Variants in PRKCA observed in about 807,000 individuals in gnomAD.
The protein encoded by PRKCA is protein kinase C alpha.
PRKCA carries 27 observed loss-of-function variants against 87.0 expected under a neutral mutation model. The observed-to-expected ratio is 0.31, with a 90% CI of 0.23 to 0.43. PRKCA has a LOEUF of 0.43. PRKCA is among the 20% of genes least tolerant of loss of function. PRKCA has a pLI of 1.00. For missense variants in PRKCA, 518 were observed against 852.3 expected (o/e 0.61, Z 4.88); for synonymous variants, 329 against 311.1 (o/e 1.06, Z -0.61).
At chr17:66,305,576 A>G (rs940419783) in intron 1 of PRKCA, among the ~76,000 whole-genome samples, 9 of 152,228 alleles carry the variant, frequency 5.9e-5, no homozygotes, top group Non-Finnish European at 8.8e-5. Context: ...TATATTTTCT[A>G]AGATCTGGTT....
At chr17:66,379,688 G>A (rs546716018) in intron 2 of PRKCA, among the ~76,000 whole-genome samples, 325 of 152,266 alleles carry the variant, frequency 2.1e-3, no homozygotes, top group African/African-American at 7.6e-3. Flanking sequence ...AGACTTAGCA[G>A]CATTTCATTG....
Position 66,406,603 on chromosome 17 carries a change from T to TTTTTTTG in PRKCA, c.206-89592_206-89591insGTTTTTT, listed in dbSNP as rs1911411048. ...TTTCCAGGTTTTTTTTTTTTTTTTTTTTTTTTAAATGTCATAGAAAAGATA... is the reference window on the plus strand; with the variant it reads ...TTTCCAGGTTTTTTTTTTTTTTTTTTTTTTTTGTTTTTTAAATGTCATAGAAAAGATA... On this transcript the variant is annotated intron_variant, in intron 2 of 16. Transcript: ENST00000413366. Among the ~76,000 whole-genome samples the TTTTTTTG allele has an allele frequency of 6.8e-5, 10 of 146,568 alleles. No homozygotes were observed. The Admixed American group carries it at 6.9e-4, about 10-fold the overall frequency.
intron 14 of PRKCA, among the ~76,000 whole-genome samples, chr17:66,782,404 C>T (rs1975260527): frequency 6.6e-6 from 1 of 152,128 alleles, no homozygotes; most frequent in South Asian, 2.1e-4. Context: ...ACTCCTCTTC[C>T]CTATACCCAA....
intron 3 of PRKCA, among the ~76,000 whole-genome samples, chr17:66,565,895 G>A (rs892133588): frequency 2.6e-5 from 4 of 151,870 alleles, no homozygotes; most frequent in South Asian, 4.2e-4. Context: ...TGACTACCCC[G>A]GGAAATCAAA....
At chr17:66,309,583 G>A (rs1296133437) in intron 2 of PRKCA, among the ~76,000 whole-genome samples, 1 of 152,212 alleles carries the variant, frequency 6.6e-6, no homozygotes, top group African/African-American at 2.4e-5. Flanking sequence ...GGAGGAGAAA[G>A]ATGAGTGTGT....
chr17:66,764,699 C>T (rs539220805), intron 13 of PRKCA, among the ~76,000 whole-genome samples: 26 of 152,320 alleles, frequency 1.7e-4, no homozygotes, highest in African/African-American at 5.8e-4. Context: ...CAGGGAAATC[C>T]GCCAGCTCTA....
intron 3 of PRKCA, among the ~76,000 whole-genome samples, chr17:66,569,374 G>A (rs1229371511): frequency 1.3e-5 from 2 of 149,950 alleles, no homozygotes; most frequent in East Asian, 2.0e-4. Context: ...GTTCAAGACA[G>A]CCTGGCCAAC....
chr17:66,431,654 C>T (rs564471618), intron 2 of PRKCA, among the ~76,000 whole-genome samples: 1 of 152,316 alleles, frequency 6.6e-6, no homozygotes, highest in South Asian at 2.1e-4. Context: ...CCATGCTCAT[C>T]AGTGACACAC....
intron 2 of PRKCA, among the ~76,000 whole-genome samples, chr17:66,374,777 G>T (rs185772076): frequency 8.6e-4 from 129 of 149,178 alleles, no homozygotes; most frequent in Non-Finnish European, 1.4e-3. Flanking sequence ...GTCCAGGCTG[G>T]AGCACAGTGG....
At chr17:66,582,003 A>G (rs1969454438) in intron 3 of PRKCA, among the ~76,000 whole-genome samples, 1 of 152,164 alleles carries the variant, frequency 6.6e-6, no homozygotes, top group African/African-American at 2.4e-5. Context: ...CATGCTAGTT[A>G]TTTGTGAACA....
intron 2 of PRKCA, among the ~76,000 whole-genome samples, chr17:66,387,079 T>C (rs1910103565): frequency 2.0e-5 from 3 of 152,362 alleles, no homozygotes; most frequent in African/African-American, 7.2e-5. Context: ...TATTTGCATA[T>C]GGGCAGGTAC....
At chr17:66,509,550 A>G (rs758595415) in intron 3 of PRKCA, among the ~76,000 whole-genome samples, 27 of 152,146 alleles carry the variant, frequency 1.8e-4, no homozygotes, top group Admixed American at 3.3e-4. Context: ...CAGGCCTTCA[A>G]CAGATTGGAT....
chr17:66,317,003 G>A lies in PRKCA; in HGVS notation c.205+10876G>A, dbSNP rs973851029. ...TAAAAATACAAAAAATTAGCTGGGC[G>A]CGGTGGCGGGCGCCTGTAGTCCCAG... On this transcript the variant is annotated intron_variant, in intron 2 of 16. Coordinates refer to ENST00000413366, the MANE Select transcript of PRKCA (RefSeq NM_002737.3). 1.4e-4 allele frequency among the ~76,000 whole-genome samples: 21 copies of A among 152,062 alleles called. No homozygotes were observed. The East Asian group carries it at 3.1e-3, about 22-fold the overall frequency.
In PRKCA at chr17:66,355,968, C is replaced by T. The variant is rs748098126; in HGVS notation, c.205+49841C>T. 7.2e-5 allele frequency among the ~76,000 whole-genome samples: 11 copies of T among 152,026 alleles called. No homozygotes were observed. The South Asian group carries it at 8.3e-4, about 11-fold the overall frequency. On this transcript the variant is annotated intron_variant, in intron 2 of 16. Transcript: ENST00000413366. ...GGCTGGAGTGCAATGGCATGATCTC[C>T]GCTCACTGCAACCTCCGCCTCCTGG... is the stretch of plus-strand genomic sequence containing the variant.
chr17:66,406,104 A>G (rs1033432343), intron 2 of PRKCA, among the ~76,000 whole-genome samples: 6 of 152,284 alleles, frequency 3.9e-5, no homozygotes, highest in Non-Finnish European at 7.4e-5. Flanking sequence ...GCCCATTAGA[A>G]TGATTGCCAG....
intron 3 of PRKCA, among the ~76,000 whole-genome samples, chr17:66,596,571 C>CTTTTTTTTTTTTTTTTTT (rs10582567): frequency 1.8e-5 from 2 of 113,872 alleles, no homozygotes; most frequent in Non-Finnish European, 3.4e-5. Context: ...AATATTAAAC[C>CTTTTTTTTTTTTTTTTTT]TTTTTTTTTT....
At chr17:66,538,398 C>T (rs149989769) in intron 3 of PRKCA, among the ~76,000 whole-genome samples, 75 of 152,298 alleles carry the variant, frequency 4.9e-4, no homozygotes, top group African/African-American at 1.7e-3. Flanking sequence ...CACTCATCTG[C>T]GTTGGAGAGA....
intron 14 of PRKCA, among the ~76,000 whole-genome samples, chr17:66,786,629 T>C (rs1243973492): frequency 6.6e-6 from 1 of 152,114 alleles, no homozygotes; most frequent in Non-Finnish European, 1.5e-5. Flanking sequence ...TAAAGATTGT[T>C]TGGGTTGCCC....
rs74791171 is a variant in PRKCA, at chr17:66,372,342, T to C, written c.205+66215T>C. The stretch of plus-strand genomic sequence containing the variant: ...AGATGTGCATGTATTACATATACCA[T>C]TGGAGACACCCACTCGGAGTTTTCT... On this transcript the variant is annotated intron_variant, in intron 2 of 16. Transcript: ENST00000413366. Among the ~76,000 whole-genome samples the C allele has an allele frequency of 1.2e-4, 18 of 152,334 alleles. No individual in the cohort carries two copies. In the East Asian group the frequency reaches 2.7e-3, roughly 23 times the overall value.
Sources: allele counts gnomAD v4.1 joint callset (sites outside exome capture counted in the v4.1 genomes callset), GRCh38; gene constraint gnomAD v4.1.1; transcripts MANE v1.5; gene names NCBI Gene and HGNC (gene_info 2026-07-23, HGNC 2026-07-21).